The following C8orf74 variants were observed in gnomAD, a reference collection of about 807,000 sequenced individuals.
The protein encoded by C8orf74 is uncharacterized protein C8orf74.
Under a neutral mutation model 22.2 loss-of-function variants are expected in C8orf74, and 29 were observed. The observed-to-expected ratio is 1.31, with a 90% CI of 0.97 to 1.78. C8orf74 has a LOEUF of 1.78. C8orf74 is among the 40% of genes most tolerant of loss of function. The pLI, the probability that C8orf74 is intolerant of heterozygous loss-of-function variation, is 0.00. For missense variants in C8orf74, 515 were observed against 369.9 expected (o/e 1.39, Z -3.22); for synonymous variants, 255 against 163.1 (o/e 1.56, Z -4.30).
chr8:10,679,676 GGCCACA>G (rs1799106850), intron 2 of C8orf74, among the ~76,000 whole-genome samples: 1 of 152,158 alleles, frequency 6.6e-6, no homozygotes, highest in African/African-American at 2.4e-5. Flanking sequence ...TCTCTCTCCA[GGCCACA>G]GCCACGGCCT....
chr8:10,674,091 T>C (rs1399673906), intron 1 of C8orf74, among the ~76,000 whole-genome samples: 1 of 113,844 alleles, frequency 8.8e-6, no homozygotes, highest in Non-Finnish European at 1.7e-5. Flanking sequence ...CATCATGTCA[T>C]ACCCTGCAAC....
chr8:10,684,508 G>T (rs928232324), intron 2 of C8orf74, among the ~76,000 whole-genome samples: 1 of 152,184 alleles, frequency 6.6e-6, no homozygotes, highest in Admixed American at 6.5e-5. Context: ...GTCTTTAAAA[G>T]AACAATGAAA....
At chr8:10,695,951 C>G (rs886152785) in intron 2 of C8orf74, among the ~76,000 whole-genome samples, 2 of 152,114 alleles carry the variant, frequency 1.3e-5, no homozygotes, top group Non-Finnish European at 2.9e-5. Context: ...CAGAGGGGGA[C>G]ACTGAGTCAC....
intron 2 of C8orf74, chr8:10,680,053 G>T (rs949492656): frequency 6.6e-5 from 10 of 152,394 alleles, no homozygotes; most frequent in African/African-American, 2.2e-4. Context: ...GTTGAAGGAA[G>T]AAACCAGTGA....
intron 2 of C8orf74, chr8:10,690,737 C>T (rs1324340618): frequency 5.2e-6 from 2 of 383,754 alleles, no homozygotes; most frequent in Admixed American, 2.8e-5. Flanking sequence ...AAGGAAGCCA[C>T]CGGAGCCCCC....
chr8:10,695,565 C>A (rs77729975), intron 2 of C8orf74, among the ~76,000 whole-genome samples: 2 of 152,122 alleles, frequency 1.3e-5, no homozygotes, highest in Admixed American at 1.3e-4. Flanking sequence ...GTCTCCACCC[C>A]CTGGGTATTT....
At chr8:10,677,399 ATACT>A (rs982513102) in intron 2 of C8orf74, among the ~76,000 whole-genome samples, 11 of 152,164 alleles carry the variant, frequency 7.2e-5, no homozygotes, top group Admixed American at 3.3e-4. Context: ...AAAAACTCAA[ATACT>A]TACTGAAATG....
At chr8:10,687,083 C>A (rs1483822020) in intron 2 of C8orf74, 7 of 456,148 alleles carry the variant, frequency 1.5e-5, no homozygotes, top group African/African-American at 1.4e-4. Flanking sequence ...AAACCAGGTT[C>A]AGTCCAGGAG....
At chr8:10,697,242 G>A (rs1175341779) in intron 2 of C8orf74, among the ~76,000 whole-genome samples, 1 of 152,016 alleles carries the variant, frequency 6.6e-6, no homozygotes, top group Non-Finnish European at 1.5e-5. Flanking sequence ...AGTTCAGCCT[G>A]GGCAAAACAG....
chr8:10,696,555 C>T (rs960676669), intron 2 of C8orf74, among the ~76,000 whole-genome samples: 1 of 146,790 alleles, frequency 6.8e-6, no homozygotes, highest in East Asian at 2.1e-4. Flanking sequence ...TCAAGCAATT[C>T]TCCTGCCTCA....
intron 2 of C8orf74, among the ~76,000 whole-genome samples, chr8:10,684,264 T>A (rs1301532633): frequency 1.3e-5 from 2 of 152,170 alleles, no homozygotes; most frequent in African/African-American, 4.8e-5. Flanking sequence ...GTACTAACCT[T>A]GAGACTTTCT....
At chr8:10,681,695 C>A (rs1007928132) in intron 2 of C8orf74, among the ~76,000 whole-genome samples, 10 of 152,206 alleles carry the variant, frequency 6.6e-5, no homozygotes, top group Non-Finnish European at 1.3e-4. Flanking sequence ...CATCATCACG[C>A]GTGGCAGGCA....
Position 10,697,901 on chromosome 8 carries a change from G to C in C8orf74, c.544G>C (p.Val182Leu), listed in dbSNP as rs751820803. ...TEAEAQKRAD[V>L]LLLKEALRLE... ...GGCCGAGGCACAGAAGCGCGCCGAC[G>C]TGCTGCTCCTGAAAGAGGCGCTGCG... Residue 182 changes from valine (V) to leucine (L), a missense_variant, in exon 3 of 4, where the codon GTG becomes CTG. Physicochemically the swap from Val to Leu is conservative, Grantham distance 32. Transcript: ENST00000304519. 14 of 1,607,924 alleles carry C rather than the reference G, an allele frequency of 8.7e-6. No individual in the cohort carries two copies. In the South Asian group the frequency reaches 1.1e-4, roughly 13 times the overall value.
intron 2 of C8orf74, among the ~76,000 whole-genome samples, chr8:10,690,491 G>T (rs1799353815): frequency 6.6e-6 from 1 of 152,144 alleles, no homozygotes; most frequent in Non-Finnish European, 1.5e-5. Flanking sequence ...CCACCACACT[G>T]GGCCAGCCCT....
intron 2 of C8orf74, among the ~76,000 whole-genome samples, chr8:10,689,936 G>A (rs142509834): frequency 2.3e-3 from 354 of 152,236 alleles, no homozygotes; most frequent in African/African-American, 7.8e-3. Flanking sequence ...ATGTGTAAGT[G>A]GACCCGCAGG....
Position 10,672,669 on chromosome 8 carries a change from G to A in C8orf74, c.4G>A (p.Ala2Thr). The change falls in exon 1 of 4, where the codon GCA (alanine) becomes ACA (threonine). Residue 2 changes from alanine (A) to threonine (T), a missense_variant. By Grantham distance (58) the Ala-to-Thr change is moderately conservative. Transcript: ENST00000304519. M[A>T]LLTPQGVKEV... Reference sequence around the variant, plus strand: ...CTGGCAACCAGATGCAGGGGCCATGGCACTCTTAACACCCCAGGGAGTGAA... The same window carrying A: ...CTGGCAACCAGATGCAGGGGCCATGACACTCTTAACACCCCAGGGAGTGAA... 6.4e-7 allele frequency: 1 copy of A among 1,565,076 alleles called. No individual in the cohort carries two copies. The highest frequency in any genetic ancestry group is 8.7e-7 in the Non-Finnish European group (1 of 1,154,442).
chr8:10,697,454 A>G (rs931322864), intron 2 of C8orf74, 145 bp from the exon 3 acceptor site: 5 of 664,488 alleles, frequency 7.5e-6, no homozygotes, highest in African/African-American at 1.8e-5. Flanking sequence ...GTCTCAAAAA[A>G]AATAAATAGA....
At chr8:10,691,873 G>C (rs190663135) in intron 2 of C8orf74, 2 of 152,366 alleles carry the variant, frequency 1.3e-5, no homozygotes, top group Non-Finnish European at 2.9e-5. Context: ...CACAAGCCCT[G>C]GGTCCCCCAG....
At chr8:10,696,037 G>A (rs1251523617) in intron 2 of C8orf74, among the ~76,000 whole-genome samples, 3 of 152,146 alleles carry the variant, frequency 2.0e-5, no homozygotes, top group African/African-American at 4.8e-5. Context: ...CTCCACGCCT[G>A]GGCCATGCTC....
Sources: gnomAD v4.1 joint callset for allele counts (sites outside exome capture counted in the v4.1 genomes callset) on GRCh38, gnomAD v4.1.1 for gene constraint, MANE v1.5 for transcripts, NCBI Gene and HGNC (gene_info 2026-07-23, HGNC 2026-07-21) for gene names.